FCHO2: variants seen among roughly 807,000 people sequenced by gnomAD.
The protein encoded by FCHO2 is F-BAR domain only protein 2.
A neutral mutation model predicts 114.1 loss-of-function variants in FCHO2; 43 were observed. The ratio of observed to expected loss-of-function variants is 0.38; its 90% CI spans 0.30 to 0.49. FCHO2 has a LOEUF of 0.49. Among genes scored for constraint, FCHO2 ranks in the 20% least tolerant of loss-of-function variants. The probability of loss-of-function intolerance (pLI) is 0.97; values close to 1 mark genes in which losing one functional copy is unlikely to be tolerated. For missense variants in FCHO2, 807 were observed against 950.4 expected (o/e 0.85, Z 1.98); for synonymous variants, 293 against 315.2 (o/e 0.93, Z 0.75).
chr5:73,036,335 T>C (rs1756507127), intron 9 of FCHO2, among the ~76,000 whole-genome samples: 2 of 152,116 alleles, frequency 1.3e-5, no homozygotes, highest in African/African-American at 4.8e-5. Flanking sequence ...ATTGTAAACT[T>C]ACTTCTTTTT....
In FCHO2 at chr5:73,062,303, A is replaced by G. The variant is rs147564949; in HGVS notation, c.1346-1538A>G. ...AGTATTGTTACTAGCTTTTCTCGAA[A>G]AGCAAATTTTGAACTGAACTTAATA... is the stretch of plus-strand genomic sequence containing the variant. On this transcript the variant is annotated intron_variant, in intron 17 of 25. Coordinates refer to ENST00000430046, the MANE Select transcript of FCHO2 (RefSeq NM_138782.3). Among the ~76,000 whole-genome samples, 501 of 152,166 alleles carry G rather than the reference A, an allele frequency of 3.3e-3. 2 individuals carry two copies. In the Middle Eastern group the frequency reaches 0.034, roughly 10 times the overall value.
rs558673960 is a variant in FCHO2 at position 73,021,615 on chromosome 5, T to C, written c.796+4307T>C. 5.3e-5 allele frequency among the ~76,000 whole-genome samples: 8 copies of C among 152,318 alleles called. No individual in the cohort carries two copies. The South Asian group carries it at 1.2e-3, about 24-fold the overall frequency. On this transcript the variant is annotated intron_variant, in intron 8 of 25. Transcript: ENST00000430046. ...AGCCCGGTTATTATCTTTAATGATA[T>C]CTTTCTCCATCAAAAGTGCCAGAGA...
intron 20 of FCHO2, 146 bp from the exon 21 acceptor site, chr5:73,077,188 TAATC>T: frequency 2.0e-6 from 1 of 497,570 alleles, no homozygotes; most frequent in Non-Finnish European, 3.2e-6. Context: ...ATTGAAAAAA[TAATC>T]TATAGTTATG....
In FCHO2 at chr5:73,052,341, A is replaced by T. The variant is rs543220430; in HGVS notation, c.1007A>T (p.Glu336Val). ...TTTAACTGAAACTCACATACCAAAG[A>T]GAACCATTTCTACTCATCTAGTGAT... is the stretch of plus-strand genomic sequence containing the variant. The part of the protein sequence containing the change: ...KPETNQNDTK[E>V]NHFYSSSDSD... Residue 336 changes from glutamate to valine, a missense_variant, in exon 13 of 26, where the codon GAG becomes GTG. Coordinates refer to ENST00000430046, the MANE Select transcript of FCHO2 (RefSeq NM_138782.3). 5.0e-6 allele frequency: 8 copies of T among 1,606,198 alleles called. No individual in the cohort carries two copies. Among genetic ancestry groups the T allele is most frequent in the Non-Finnish European group, 6.8e-6 (8 of 1,176,536 alleles).
chr5:73,015,766 T>A lies in FCHO2; in HGVS notation c.699+42T>A, dbSNP rs772273118. ...TATGTTGAACTATTCATGAAAAATT[T>A]GTTTATTTATAGCTCTTTAAAAATA... On this transcript the variant is annotated intron_variant, in intron 7 of 25. Coordinates refer to ENST00000430046, the MANE Select transcript of FCHO2 (RefSeq NM_138782.3). The A allele has an allele frequency of 1.3e-5, 16 of 1,258,718 alleles. No homozygotes were observed. The East Asian group carries it at 2.9e-4, about 23-fold the overall frequency. 78.0% of individuals were successfully genotyped at this position (1,258,718 alleles called of 1,614,324 possible).
chr5:73,069,926 A>G (rs1263919517), intron 19 of FCHO2, among the ~76,000 whole-genome samples: 1 of 152,114 alleles, frequency 6.6e-6, no homozygotes, highest in Non-Finnish European at 1.5e-5. Flanking sequence ...AACTTCTCAT[A>G]AAAATTATAA....
intron 11 of FCHO2, among the ~76,000 whole-genome samples, chr5:73,043,411 C>A (rs1246822144): frequency 1.4e-5 from 1 of 73,404 alleles, no homozygotes; most frequent in South Asian, 3.4e-4. Flanking sequence ...CACACACATA[C>A]ACACACACAC....
intron 2 of FCHO2, among the ~76,000 whole-genome samples, chr5:72,972,476 G>A (rs1017594477): frequency 2.6e-5 from 4 of 152,154 alleles, no homozygotes; most frequent in Non-Finnish European, 5.9e-5. Context: ...GTGAGTGGGA[G>A]TTCACTCATG....
chr5:72,997,764 C>G, intron 5 of FCHO2: 3 of 1,352,738 alleles, frequency 2.2e-6, no homozygotes, highest in Non-Finnish European at 2.9e-6. Context: ...CCCTCCAACC[C>G]CTCTCTGCCC....
intron 6 of FCHO2, among the ~76,000 whole-genome samples, chr5:73,008,235 T>C (rs765950631): frequency 7.2e-5 from 11 of 152,170 alleles, no homozygotes; most frequent in Admixed American, 1.3e-4. Context: ...CTGATCTACA[T>C]TTAAAGATAA....
intron 5 of FCHO2, among the ~76,000 whole-genome samples, chr5:72,993,407 A>G (rs999624712): frequency 1.3e-5 from 2 of 152,178 alleles, no homozygotes; most frequent in Middle Eastern, 3.2e-3. Flanking sequence ...TCAGAAGGAA[A>G]AAATGGAGGA....
rs1743408266 is a variant in FCHO2, at chr5:73,089,226, A to AT, written c.*1140dup. ...CTATAGTGCTAAATTGGTAACTGGT[A>AT]TTTTAACTCTCAATTTAGCATTTTC... On this transcript the variant is annotated 3_prime_UTR_variant, in exon 26 of 26. Transcript: ENST00000430046. 2 of 152,578 alleles carry AT rather than the reference A, an allele frequency of 1.3e-5. No individual in the cohort carries two copies. The highest frequency in any genetic ancestry group is 2.1e-4 in the South Asian group (1 of 4,836). 9.5% of individuals were successfully genotyped at this position (152,578 alleles called of 1,614,324 possible).
At chr5:73,053,131 A>C (rs562399142) in intron 13 of FCHO2, among the ~76,000 whole-genome samples, 1 of 152,240 alleles carries the variant, frequency 6.6e-6, no homozygotes, top group Non-Finnish European at 1.5e-5. Context: ...AAGTATATCT[A>C]TATGTGATCA....
intron 2 of FCHO2, among the ~76,000 whole-genome samples, chr5:72,969,445 CAAGGAATGCAA>C (rs1752389972): frequency 6.6e-6 from 1 of 152,200 alleles, no homozygotes; most frequent in Admixed American, 6.5e-5. Flanking sequence ...CTGGAATCAA[CAAGGAATGCAA>C]AAGCTCAAGT....
rs1743445961 is a variant in FCHO2, at chr5:73,090,257, G to A, written c.*2167G>A. 1 of 152,460 alleles carries A rather than the reference G, an allele frequency of 6.6e-6. No homozygotes were observed. The highest frequency in any genetic ancestry group is 2.1e-4 in the South Asian group (1 of 4,826). The allele number at this position is 152,460 out of a possible 1,614,324, so 9.4% of individuals were successfully genotyped here. A position where few individuals can be genotyped will look rare whatever the true frequency, so the allele number is the denominator to read the frequency against. ...TCCACTAATGGTGTAAAAGAGACCA[G>A]TAGATTTTCAATGGGAAATGTACCT... is the stretch of plus-strand genomic sequence containing the variant. On this transcript the variant is annotated 3_prime_UTR_variant, in exon 26 of 26. Coordinates refer to ENST00000430046, the MANE Select transcript of FCHO2 (RefSeq NM_138782.3).
intron 19 of FCHO2, among the ~76,000 whole-genome samples, chr5:73,070,861 T>C (rs1157627277): frequency 6.6e-6 from 1 of 152,086 alleles, no homozygotes; most frequent in African/African-American, 2.4e-5. Context: ...ATATTTTCTT[T>C]TTCTGCATTA....
At position 72,963,305 on chromosome 5, in the gene FCHO2, G is replaced by A. The variant is rs556984134; in HGVS notation, c.34-5193G>A. On this transcript the variant is annotated intron_variant, in intron 1 of 25. Transcript: ENST00000430046. ...TGGTTGAAGCAACAGCCACAAGTCTGCATGGTTTTCCTTTTTAATTAAAAC... is the reference window on the plus strand; with the variant it reads ...TGGTTGAAGCAACAGCCACAAGTCTACATGGTTTTCCTTTTTAATTAAAAC... Among the ~76,000 whole-genome samples the A allele has an allele frequency of 4.6e-5, 7 of 152,284 alleles. No homozygotes were observed. The South Asian group carries it at 1.5e-3, about 32-fold the overall frequency.
intron 13 of FCHO2, 50 bp from the exon 14 acceptor site, chr5:73,054,110 C>A (rs1278869725): frequency 7.5e-6 from 10 of 1,330,642 alleles, no homozygotes; most frequent in East Asian, 2.6e-5. Context: ...CACAAAAATA[C>A]AGTATTCAGA....
chr5:73,018,661 C>A (rs908315349), intron 8 of FCHO2, among the ~76,000 whole-genome samples: 29 of 151,970 alleles, frequency 1.9e-4, no homozygotes, highest in African/African-American at 7.0e-4. Context: ...TTTAGATATG[C>A]AAATCAAGGA....
Sources: gnomAD v4.1 joint callset for allele counts (sites outside exome capture counted in the v4.1 genomes callset) on GRCh38, gnomAD v4.1.1 for gene constraint, MANE v1.5 for transcripts, NCBI Gene and HGNC (gene_info 2026-07-23, HGNC 2026-07-21) for gene names.